The following DOCK3 variants were observed in gnomAD, a reference collection of about 807,000 sequenced individuals.
The protein encoded by DOCK3 is dedicator of cytokinesis 3, also known as dedicator of cytokinesis protein 3.
A neutral mutation model predicts 265.6 loss-of-function variants in DOCK3; 60 were observed. The ratio of observed to expected loss-of-function variants is 0.23; its 90% confidence interval spans 0.18 to 0.28. The LOEUF is 0.28. Among genes scored for constraint, DOCK3 ranks in the 10% least tolerant of loss-of-function variants. The pLI is 1.00. For missense variants in DOCK3, 1,981 were observed against 2,594.3 expected (o/e 0.76, Z 5.14); for synonymous variants, 881 against 938.0 (o/e 0.94, Z 1.11).
At chr3:50,711,781 C>T (rs2036788730) in intron 1 of DOCK3, among the ~76,000 whole-genome samples, 1 of 152,036 alleles carries the variant, frequency 6.6e-6, no homozygotes, top group African/African-American at 2.4e-5. Context: ...TAGATTTCTC[C>T]AGAGAAGCCA....
chr3:51,114,929 T>G (rs755569846), intron 9 of DOCK3, among the ~76,000 whole-genome samples: 2 of 152,110 alleles, frequency 1.3e-5, no homozygotes, highest in Admixed American at 1.3e-4. Flanking sequence ...CTGTGTTAGT[T>G]TGCTGAGAAT....
intron 5 of DOCK3, among the ~76,000 whole-genome samples, chr3:51,044,962 A>T (rs908172048): frequency 4.6e-5 from 7 of 151,952 alleles, no homozygotes; most frequent in African/African-American, 7.2e-5. Flanking sequence ...CCACTCAAAA[A>T]TTTTTTTTAT....
chr3:51,090,909 A>C (rs2082613463), intron 9 of DOCK3, among the ~76,000 whole-genome samples: 1 of 152,196 alleles, frequency 6.6e-6, no homozygotes, highest in Admixed American at 6.5e-5. Flanking sequence ...TTGCTTTAGT[A>C]CTTAAAATTC....
chr3:50,798,282 CTG>C (rs2042897454), intron 2 of DOCK3, among the ~76,000 whole-genome samples: 1 of 152,206 alleles, frequency 6.6e-6, no homozygotes, highest in African/African-American at 2.4e-5. Flanking sequence ...ATGGAATGGT[CTG>C]TAGTCTTTTA....
intron 27 of DOCK3, among the ~76,000 whole-genome samples, chr3:51,281,274 AATATATATATATATATAT>A (rs56084027): frequency 8.0e-6 from 1 of 125,694 alleles, no homozygotes; most frequent in African/African-American, 3.0e-5. Context: ...GATGAGCTAA[AATATATATATATATATAT>A]ATATATATAT....
intron 5 of DOCK3, among the ~76,000 whole-genome samples, chr3:50,979,109 C>T (rs1029785621): frequency 3.5e-4 from 53 of 152,254 alleles, no homozygotes; most frequent in Admixed American, 3.3e-3. Flanking sequence ...CCGTCTTCTG[C>T]GCCGCTCACG....
At chr3:50,739,844 A>G (rs1373431389) in intron 1 of DOCK3, among the ~76,000 whole-genome samples, 1 of 152,160 alleles carries the variant, frequency 6.6e-6, no homozygotes, top group Non-Finnish European at 1.5e-5. Flanking sequence ...AAAGTGAGCC[A>G]TATCAATTCA....
intron 9 of DOCK3, among the ~76,000 whole-genome samples, chr3:51,133,161 G>C (rs1241350282): frequency 6.6e-6 from 1 of 152,128 alleles, no homozygotes; most frequent in East Asian, 1.9e-4. Flanking sequence ...AGAACTGCTT[G>C]AGTTTTCTTT....
chr3:51,237,741 A>G (rs1431205761), intron 21 of DOCK3, among the ~76,000 whole-genome samples, 151 bp downstream of exon 21: 1 of 152,236 alleles, frequency 6.6e-6, no homozygotes, highest in Non-Finnish European at 1.5e-5. Context: ...ATAACACAAA[A>G]TTGACCATCT....
In DOCK3 at chr3:51,016,505, T is replaced by TATATG. The variant is rs1239772970; in HGVS notation, c.316-47939_316-47938insGATAT. ...ATATATATCATATATTTCTACATAA[T>TATATG]ATATATATCATATATTTCTATATAA... On this transcript the variant is annotated intron_variant, in intron 5 of 52. Transcript: ENST00000266037. Among the ~76,000 whole-genome samples the TATATG allele has an allele frequency of 9.0e-5, 8 of 89,046 alleles. 2 individuals are homozygous for TATATG. Among genetic ancestry groups the TATATG allele is most frequent in the African/African-American group, 5.1e-4 (8 of 15,800 alleles). The allele number at this position is 89,046 out of a possible 152,430, so 58.4% of individuals were successfully genotyped here.
intron 4 of DOCK3, among the ~76,000 whole-genome samples, chr3:50,907,149 A>C (rs569189107): frequency 6.6e-6 from 1 of 152,214 alleles, no homozygotes; most frequent in South Asian, 2.1e-4. Flanking sequence ...GTTGTTTTAC[A>C]TTTCCTGAGG....
intron 2 of DOCK3, among the ~76,000 whole-genome samples, chr3:50,820,466 C>T (rs1324214219): frequency 6.6e-6 from 1 of 152,208 alleles, no homozygotes; most frequent in Admixed American, 6.5e-5. Context: ...GGATAATAGC[C>T]TCCAGCTGCA....
intron 9 of DOCK3, among the ~76,000 whole-genome samples, chr3:51,100,986 G>C (rs1171951682): frequency 3.4e-5 from 5 of 146,900 alleles, no homozygotes; most frequent in African/African-American, 1.3e-4. Flanking sequence ...TTTTTTTTTT[G>C]TAGAGATGAC....
chr3:50,928,736 A>T (rs1408502681), intron 4 of DOCK3, among the ~76,000 whole-genome samples: 1 of 152,208 alleles, frequency 6.6e-6, no homozygotes, highest in Non-Finnish European at 1.5e-5. Flanking sequence ...AGGCAATTTC[A>T]TAAAATTAAT....
At chr3:51,168,629 T>C (rs1039526363) in intron 12 of DOCK3, among the ~76,000 whole-genome samples, 7 of 152,052 alleles carry the variant, frequency 4.6e-5, no homozygotes, top group Non-Finnish European at 7.4e-5. Context: ...AACCCGAAAC[T>C]ATAAAAACTC....
At chr3:50,772,579 T>C (rs574343452) in intron 1 of DOCK3, among the ~76,000 whole-genome samples, 349 of 152,316 alleles carry the variant, frequency 2.3e-3, no homozygotes, top group African/African-American at 8.0e-3. Context: ...ACACCTACTG[T>C]GTATCCACAA....
chr3:51,309,294 A>G (rs2082912653), intron 27 of DOCK3, among the ~76,000 whole-genome samples: 1 of 152,222 alleles, frequency 6.6e-6, no homozygotes, highest in South Asian at 2.1e-4. Flanking sequence ...CCTGGGCACC[A>G]TTGAGCACTG....
At chr3:50,936,332 G>A (rs1488793670) in intron 5 of DOCK3, among the ~76,000 whole-genome samples, 3 of 151,336 alleles carry the variant, frequency 2.0e-5, no homozygotes, top group East Asian at 1.9e-4. Flanking sequence ...ATGTAACACT[G>A]TAGCCTCAGA....
intron 23 of DOCK3, among the ~76,000 whole-genome samples, chr3:51,262,302 C>T (rs1241047845): frequency 6.6e-6 from 1 of 152,174 alleles, no homozygotes; most frequent in East Asian, 1.9e-4. Flanking sequence ...CAGCAAACCC[C>T]AGCAGACCTC....
Sources: allele counts gnomAD v4.1 joint callset (sites outside exome capture counted in the v4.1 genomes callset), GRCh38; gene constraint gnomAD v4.1.1; transcripts MANE v1.5; gene names NCBI Gene and HGNC (gene_info 2026-07-23, HGNC 2026-07-21).